Variants in SBF2 observed in about 807,000 individuals in gnomAD.
The protein encoded by SBF2 is SET binding factor 2, also known as myotubularin-related protein 13.
A neutral mutation model predicts 225.2 loss-of-function variants in SBF2; 112 were observed. The observed-to-expected ratio is 0.50, with a 90% CI of 0.43 to 0.58. The LOEUF is 0.58. Among genes scored for constraint, SBF2 ranks in the 20% least tolerant of loss-of-function variants. The probability of loss-of-function intolerance (pLI) is 0.00; values close to 1 mark genes in which losing one functional copy is unlikely to be tolerated. For synonymous variants in SBF2, 763 were observed against 773.3 expected (o/e 0.99, Z 0.22); for missense variants, 1,996 against 2,206.2 (o/e 0.90, Z 1.91).
At chr11:10,249,484 T>C (rs909597721) in intron 1 of SBF2, among the ~76,000 whole-genome samples, 2 of 152,140 alleles carry the variant, frequency 1.3e-5, no homozygotes, top group African/African-American at 2.4e-5. Flanking sequence ...AGACAAAAGA[T>C]TGTTTGAAAA....
chr11:10,025,936 G>C (rs965769723), intron 6 of SBF2, among the ~76,000 whole-genome samples: 1 of 152,000 alleles, frequency 6.6e-6, no homozygotes, highest in African/African-American at 2.4e-5. Context: ...ATCTTTTCAA[G>C]TTGTCATTGT....
At chr11:9,991,264 T>C (rs1947421478) in intron 12 of SBF2, among the ~76,000 whole-genome samples, 1 of 152,240 alleles carries the variant, frequency 6.6e-6, no homozygotes, top group Non-Finnish European at 1.5e-5. Flanking sequence ...GTTTCCTAAA[T>C]CTTCATATGC....
Position 9,829,364 on chromosome 11 carries a change from A to G in SBF2, c.3785T>C (p.Leu1262Pro), listed in dbSNP as rs771098273. 1.2e-6 allele frequency: 2 copies of G among 1,614,188 alleles called. No individual in the cohort carries two copies. Among genetic ancestry groups the G allele is most frequent in the South Asian group, 2.2e-5 (2 of 91,088 alleles). Residue 1262 changes from leucine (L) to proline (P), a missense_variant, in exon 28 of 40, where the codon CTA (leucine) becomes CCA (proline). Physicochemically the swap from Leu to Pro is moderately conservative, Grantham distance 98. Transcript: ENST00000256190. ...STLTVRPAFA[L>P]SPGVWASLRS... ...GTATTATCAAATCTTACCTGGAGAT[A>G]GAGCAAAGGCTGGCCTGACAGTAAG... is the stretch of plus-strand genomic sequence containing the variant.
chr11:9,783,754 G>A (rs994282410), intron 38 of SBF2, among the ~76,000 whole-genome samples: 9 of 152,212 alleles, frequency 5.9e-5, no homozygotes, highest in African/African-American at 2.2e-4. Flanking sequence ...TTCCAAGTTT[G>A]GGTGGGCACA....
At chr11:10,298,345 C>T (rs573587902), upstream of SBF2, among the ~76,000 whole-genome samples, 75 of 152,234 alleles carry the variant, frequency 4.9e-4, no homozygotes, top group African/African-American at 1.8e-3. Flanking sequence ...GAGCCAAGAT[C>T]GCGCCATTGC....
rs951184765 is a variant in SBF2 at position 10,245,682 on chromosome 11, G to T, written c.55+48333C>A. ...AGAACTGAAATCAAGATATCAAAAA[G>T]ATATCTGCACTCCCATGCTCACTGC... On this transcript the variant is annotated intron_variant, in intron 1 of 39. Coordinates refer to ENST00000256190, the MANE Select transcript of SBF2 (RefSeq NM_030962.4). 2.3e-4 allele frequency among the ~76,000 whole-genome samples: 35 copies of T among 152,238 alleles called. No homozygotes were observed. In the East Asian group the frequency reaches 5.4e-3, roughly 23 times the overall value.
In SBF2 at chr11:10,054,205, T is replaced by C. The variant is rs1590847581; in HGVS notation, c.142-11224A>G. ...TTATTACTACTATACAACATTTGCA[T>C]TGTCCTCACCACAATAAAACTTTCA... On this transcript the variant is annotated intron_variant, in intron 2 of 39. Coordinates refer to ENST00000256190, the MANE Select transcript of SBF2 (RefSeq NM_030962.4). 2.0e-5 allele frequency among the ~76,000 whole-genome samples: 3 copies of C among 152,330 alleles called. 1 individual carries two copies. In the Middle Eastern group the frequency reaches 0.01, roughly 518 times the overall value.
intron 24 of SBF2, among the ~76,000 whole-genome samples, chr11:9,845,175 T>A (rs915349370): frequency 3.9e-5 from 6 of 152,128 alleles, no homozygotes; most frequent in African/African-American, 1.4e-4. Flanking sequence ...TCAAGAGTTA[T>A]GAAAAACAGA....
intron 1 of SBF2, among the ~76,000 whole-genome samples, chr11:10,274,113 T>C (rs1442572348): frequency 6.6e-6 from 1 of 152,212 alleles, no homozygotes; most frequent in East Asian, 1.9e-4. Flanking sequence ...GTATGAATGA[T>C]TTGGCAGTGG....
chr11:10,295,194 A>G (rs1964456676), upstream of SBF2, among the ~76,000 whole-genome samples: 1 of 152,172 alleles, frequency 6.6e-6, no homozygotes, highest in African/African-American at 2.4e-5. Context: ...ATCACTGCTC[A>G]CTATTAATTG....
At chr11:9,940,633 C>T (rs567776045) in intron 16 of SBF2, among the ~76,000 whole-genome samples, 41 of 152,092 alleles carry the variant, frequency 2.7e-4, no homozygotes, top group African/African-American at 9.6e-4. Flanking sequence ...GAATATAATA[C>T]ACATTACTTG....
At chr11:9,819,696 T>A (rs899409604) in intron 28 of SBF2, among the ~76,000 whole-genome samples, 5 of 152,210 alleles carry the variant, frequency 3.3e-5, no homozygotes, top group Non-Finnish European at 7.3e-5. Context: ...AATACATTGG[T>A]CCTCATATTG....
intron 1 of SBF2, among the ~76,000 whole-genome samples, chr11:10,199,766 G>A (rs1435545182): frequency 1.3e-5 from 2 of 152,024 alleles, no homozygotes; most frequent in Non-Finnish European, 2.9e-5. Flanking sequence ...ACAAAAATTA[G>A]CTGGGAATGG....
rs1302632505 is a variant in SBF2 at position 9,816,940 on chromosome 11, T to C, written c.3878A>G (p.Lys1293Arg). The change falls in exon 29 of 40, where the codon AAG (lysine) becomes AGG (arginine). Residue 1293 changes from lysine to arginine, a missense_variant. Transcript: ENST00000256190. The part of the protein sequence containing the change: ...FIDVGARLAG[K>R]DHSASFSNSS... ...GTTACTGAAGGAGGCCGAGTGATCC[T>C]TGCCTGCCAGCCGGGCGCCAACATC... 3 of 1,614,200 alleles carry C rather than the reference T, an allele frequency of 1.9e-6. No homozygotes were observed. Among genetic ancestry groups the C allele is most frequent in the Non-Finnish European group, 2.5e-6 (3 of 1,180,032 alleles).
chr11:9,885,229 G>A (rs1353551467), intron 17 of SBF2, among the ~76,000 whole-genome samples: 2 of 117,388 alleles, frequency 1.7e-5, no homozygotes, highest in Non-Finnish European at 3.4e-5. Flanking sequence ...CTGGCCTGGG[G>A]GATAGGGTGA....
intron 32 of SBF2, among the ~76,000 whole-genome samples, chr11:9,803,722 A>G (rs1853622717): frequency 6.6e-6 from 1 of 152,194 alleles, no homozygotes; most frequent in African/African-American, 2.4e-5. Context: ...TTGGCTGTAC[A>G]AGCTCATTCC....
chr11:10,142,716 T>A (rs889794816), intron 2 of SBF2, among the ~76,000 whole-genome samples: 3 of 152,244 alleles, frequency 2.0e-5, no homozygotes, highest in African/African-American at 7.2e-5. Context: ...GATATGTGAA[T>A]ATCATAAATG....
intron 2 of SBF2, among the ~76,000 whole-genome samples, chr11:10,136,033 A>C (rs1325575547): frequency 2.0e-5 from 3 of 152,172 alleles, no homozygotes; most frequent in Non-Finnish European, 4.4e-5. Context: ...ACAGCTCCAC[A>C]TGGCTGGGGA....
At chr11:10,102,743 T>C (rs1432747763) in intron 2 of SBF2, among the ~76,000 whole-genome samples, 1 of 152,176 alleles carries the variant, frequency 6.6e-6, no homozygotes, top group Non-Finnish European at 1.5e-5. Context: ...CACACTGATA[T>C]GGGGCCACAG....
Sources: gnomAD v4.1 joint callset for allele counts (sites outside exome capture counted in the v4.1 genomes callset) on GRCh38, gnomAD v4.1.1 for gene constraint, MANE v1.5 for transcripts, NCBI Gene and HGNC (gene_info 2026-07-23, HGNC 2026-07-21) for gene names.